The following BYSL variants were observed in gnomAD, a reference collection of about 807,000 sequenced individuals.
BYSL encodes the protein bystin like.
Under a neutral mutation model 45.4 loss-of-function variants are expected in BYSL, and 21 were observed. That is an observed-to-expected ratio of 0.46 (90% confidence interval 0.33 to 0.67). The LOEUF (loss-of-function observed/expected upper bound fraction) is 0.67. Among genes scored for constraint, BYSL ranks in the 30% least tolerant of loss-of-function variants. BYSL has a pLI of 0.02. For synonymous variants in BYSL, 215 were observed against 231.3 expected (o/e 0.93, Z 0.64); for missense variants, 522 against 578.5 (o/e 0.90, Z 1.00).
intron 1 of BYSL, among the ~76,000 whole-genome samples, chr6:41,923,765 G>A (rs1775525192): frequency 6.6e-6 from 1 of 152,102 alleles, no homozygotes; most frequent in Non-Finnish European, 1.5e-5. Flanking sequence ...AGTACTCACA[G>A]GTGGGGGATT....
chr6:41,912,663 C>G, the BYSL span, among the ~76,000 whole-genome samples: 1 of 152,110 alleles, frequency 6.6e-6, no homozygotes, highest in Non-Finnish European at 1.5e-5. Context: ...AGACGACAAT[C>G]GTATTTTCTA....
Position 41,921,555 on chromosome 6 carries a change from C to T in BYSL, c.-8C>T, listed in dbSNP as rs758484450. On this transcript the variant is annotated 5_prime_UTR_variant, in exon 1 of 7. Coordinates refer to ENST00000230340, the MANE Select transcript of BYSL (RefSeq NM_004053.4). The stretch of plus-strand genomic sequence containing the variant: ...GTGCGATCCTTCCCGGCAACTTTTT[C>T]GAGAAAAATGCCCAAATTCAAGGCG... 3.2e-6 allele frequency: 5 copies of T among 1,554,632 alleles called. No homozygotes were observed. The East Asian group carries it at 9.1e-5, about 28-fold the overall frequency.
rs747803473 is a variant in BYSL at position 41,931,379 on chromosome 6, C to T, written c.705-17C>T. On this transcript the variant is annotated splice_polypyrimidine_tract_variant and intron_variant, in intron 4 of 6. Coordinates refer to ENST00000230340, the MANE Select transcript of BYSL (RefSeq NM_004053.4). Reference sequence around the variant, plus strand: ...TGTCGTGTGAGTTGGAAACTTCCCCCGCTTAACTCCCACTAGGATTTTTGC... The same window carrying T: ...TGTCGTGTGAGTTGGAAACTTCCCCTGCTTAACTCCCACTAGGATTTTTGC... The T allele has an allele frequency of 1.7e-5, 28 of 1,613,682 alleles. No individual in the cohort carries two copies. Among genetic ancestry groups the T allele is most frequent in the Admixed American group, 3.3e-5 (2 of 59,986 alleles).
intron 2 of BYSL, among the ~76,000 whole-genome samples, chr6:41,929,307 G>A (rs1775604418): frequency 6.6e-6 from 1 of 152,144 alleles, no homozygotes; most frequent in Non-Finnish European, 1.5e-5. Context: ...AGACCAGCCT[G>A]GGCAACATGG....
chr6:41,924,491 T>A (rs1045220332), intron 1 of BYSL, among the ~76,000 whole-genome samples: 1 of 152,242 alleles, frequency 6.6e-6, no homozygotes, highest in South Asian at 2.1e-4. Context: ...CCAATTAGAA[T>A]GTAAGCTGTA....
intron 2 of BYSL, 111 bp from the exon 3 acceptor site, chr6:41,930,021 C>A (rs931114918): frequency 7.3e-7 from 1 of 1,374,694 alleles, no homozygotes; most frequent in Non-Finnish European, 1.0e-6. Context: ...CCAGCAGGAT[C>A]GCAGTATGGC....
rs560983008 is a variant in BYSL at position 41,921,659 on chromosome 6, G to T, written c.97G>T (p.Val33Phe). ...GGCTGGGAATGCGGTGCGGGCGGGG[G>T]TCCGGGAGAAGCGGCGGGGTCGCGG... ...ILAGNAVRAG[V>F]REKRRGRGTG... Residue 33 changes from valine to phenylalanine, a missense_variant, in exon 1 of 7, where the codon GTC becomes TTC. By Grantham distance (50) the Val-to-Phe change is conservative. Coordinates refer to ENST00000230340, the MANE Select transcript of BYSL (RefSeq NM_004053.4). 2.5e-6 allele frequency: 4 copies of T among 1,613,618 alleles called. No homozygotes were observed. In the East Asian group the frequency reaches 6.7e-5, roughly 27 times the overall value.
At chr6:41,912,875 G>C in the BYSL span, 2 of 152,186 alleles carry the variant, frequency 1.3e-5, no homozygotes, top group Non-Finnish European at 2.9e-5. Flanking sequence ...AGGAGGCCAA[G>C]GCGGGGAAGA....
At chr6:41,909,722 G>A in the BYSL span, among the ~76,000 whole-genome samples, 13 of 152,082 alleles carry the variant, frequency 8.5e-5, no homozygotes, top group Non-Finnish European at 1.9e-4. Context: ...GGCAGCATGT[G>A]GTAAAACCCA....
At chr6:41,909,275 A>G in the BYSL span, 1 of 1,613,796 alleles carries the variant, frequency 6.2e-7, no homozygotes, top group Non-Finnish European at 8.5e-7. Context: ...TTACCTCCAC[A>G]GAGATGCCCC....
At chr6:41,912,350 T>C in the BYSL span, among the ~76,000 whole-genome samples, 2 of 124,310 alleles carry the variant, frequency 1.6e-5, no homozygotes, top group African/African-American at 3.2e-5. Flanking sequence ...CTGACCATAG[T>C]ACTTTTTTTT....
intron 2 of BYSL, among the ~76,000 whole-genome samples, chr6:41,927,953 TTG>T: frequency 1.3e-5 from 2 of 152,156 alleles, no homozygotes; most frequent in African/African-American, 4.8e-5. Flanking sequence ...CTGGGTAATT[TTG>T]TGTGTGTGTG....
chr6:41,931,852 G>C, intron 6 of BYSL, 22 bp downstream of exon 6: 2 of 1,597,628 alleles, frequency 1.3e-6, no homozygotes, highest in Non-Finnish European at 1.7e-6. Flanking sequence ...GGGGGTGGAA[G>C]GGGGCTGGTC....
Position 41,921,595 on chromosome 6 carries a change from G to T in BYSL, c.33G>T (p.Gly11=), listed in dbSNP as rs759887573. ...AATTCAAGGCGGCCCGTGGGGTGGG[G>T]GGTCAGGAAAAACATGCGCCCCTGG... MPKFKAARGV[G]GQEKHAPLAD... is the part of the protein sequence containing the mutation. The change falls in exon 1 of 7, where the codon GGG becomes GGT. Residue 11 remains glycine (G), a synonymous_variant. Transcript: ENST00000230340. 1 of 1,597,298 alleles carries T rather than the reference G, an allele frequency of 6.3e-7. No individual in the cohort carries two copies. The highest frequency in any genetic ancestry group is 1.1e-5 in the South Asian group (1 of 90,042).
intron 4 of BYSL, 137 bp downstream of exon 4, chr6:41,930,905 A>T: frequency 8.0e-7 from 1 of 1,247,562 alleles, no homozygotes; most frequent in South Asian, 1.7e-5. Context: ...TTATAGCATC[A>T]TTTTTCTAGC....
the BYSL span, among the ~76,000 whole-genome samples, chr6:41,916,281 A>ATAAAATAAAATAAAG: frequency 9.9e-5 from 15 of 151,606 alleles, no homozygotes; most frequent in African/African-American, 3.4e-4. Flanking sequence ...ATAAAATAAA[A>ATAAAATAAAATAAAG]TAAAATAAAA....
At chr6:41,920,847 C>G, upstream of BYSL, 1 of 868,566 alleles carries the variant, frequency 1.2e-6, no homozygotes, top group Non-Finnish European at 1.7e-6. Context: ...TCTGAGGAAA[C>G]AAGCCCGGGG....
At chr6:41,909,111 C>G in the BYSL span, 1 of 953,416 alleles carries the variant, frequency 1.0e-6, no homozygotes. Context: ...GAGGTCGAGG[C>G]TACAGTGTGC....
chr6:41,930,904 C>A (rs1775629529), intron 4 of BYSL, 136 bp downstream of exon 4: 2 of 1,252,310 alleles, frequency 1.6e-6, no homozygotes, highest in Admixed American at 3.2e-5. Flanking sequence ...TTTATAGCAT[C>A]ATTTTTCTAG....
Sources: gnomAD v4.1 joint callset for allele counts (sites outside exome capture counted in the v4.1 genomes callset) on GRCh38, gnomAD v4.1.1 for gene constraint, MANE v1.5 for transcripts, NCBI Gene and HGNC (gene_info 2026-07-23, HGNC 2026-07-21) for gene names.